Variants in GRK5 observed in about 807,000 individuals in gnomAD.
GRK5 encodes the protein G protein-coupled receptor kinase 5.
Under a neutral mutation model 78.4 loss-of-function variants are expected in GRK5, and 40 were observed. The ratio of observed to expected loss-of-function variants is 0.51; its 90% CI spans 0.40 to 0.66. GRK5 has a LOEUF of 0.66. Ranked by LOEUF, GRK5 falls within the 30% of genes least tolerant of loss-of-function variation. The pLI is 0.00. For missense variants in GRK5, 598 were observed against 759.9 expected (o/e 0.79, Z 2.50); for synonymous variants, 289 against 296.8 (o/e 0.97, Z 0.27).
At position 119,424,903 on chromosome 10, in the gene GRK5, A is replaced by G. The variant is rs138726220; in HGVS notation, c.441-90A>G. On this transcript the variant is annotated intron_variant, in intron 5 of 15. Coordinates refer to ENST00000392870, the MANE Select transcript of GRK5 (RefSeq NM_005308.3). The stretch of plus-strand genomic sequence containing the variant: ...CTGCATGGGTTGAGAGGCCCTGTTT[A>G]CTTGCATTTCCAAAGCTGGACACAG... The G allele has an allele frequency of 7.9e-4, 699 of 881,552 alleles. 2 individuals are homozygous for G. In the African/African-American group the frequency reaches 0.01, roughly 13 times the overall value. The allele number at this position is 881,552 out of a possible 1,614,324, so 54.6% of individuals were successfully genotyped here.
intron 1 of GRK5, among the ~76,000 whole-genome samples, chr10:119,263,923 G>T (rs1033975865): frequency 6.6e-6 from 1 of 152,048 alleles, no homozygotes; most frequent in African/African-American, 2.4e-5. Flanking sequence ...GCAAGACTCC[G>T]TCTCAAAATA....
At position 119,452,667 on chromosome 10, in the gene GRK5, G is replaced by A; in HGVS notation, c.1405-4G>A. On this transcript the variant is annotated splice_region_variant and splice_polypyrimidine_tract_variant and intron_variant, in intron 13 of 15. Transcript: ENST00000392870. The surrounding 1 kb of genome is among the most constrained non-coding windows in gnomAD (Gnocchi z 4.4). ...ATGTGTGACCGGCCCTCTGCCCCTG[G>A]CAGCCCCGCGCTGTGTACTGTAAGG... The A allele has an allele frequency of 6.2e-7, 1 of 1,613,876 alleles. No homozygotes were observed.
At chr10:119,294,066 T>C (rs542336704) in intron 1 of GRK5, among the ~76,000 whole-genome samples, 2 of 152,264 alleles carry the variant, frequency 1.3e-5, no homozygotes, top group Non-Finnish European at 2.9e-5. Flanking sequence ...GCTTCTCCAC[T>C]TACTTTCATG....
intron 6 of GRK5, among the ~76,000 whole-genome samples, chr10:119,426,639 A>T (rs1047901664): frequency 6.6e-6 from 1 of 152,228 alleles, no homozygotes; most frequent in African/African-American, 2.4e-5. Flanking sequence ...CACAGGAAGT[A>T]AACTGCTGAA....
intron 1 of GRK5, among the ~76,000 whole-genome samples, chr10:119,297,096 C>A (rs1010085145): frequency 6.6e-6 from 1 of 152,216 alleles, no homozygotes; most frequent in African/African-American, 2.4e-5. Flanking sequence ...TTAAGGGCTC[C>A]CTCCTTCGGG....
At chr10:119,411,908 T>C (rs1852353176) in intron 4 of GRK5, among the ~76,000 whole-genome samples, 1 of 143,808 alleles carries the variant, frequency 7.0e-6, no homozygotes. Flanking sequence ...TGGGGTCCAG[T>C]GGTGCGATCT....
At chr10:119,382,301 A>G (rs1436517735) in intron 3 of GRK5, among the ~76,000 whole-genome samples, 1 of 151,464 alleles carries the variant, frequency 6.6e-6, no homozygotes, top group African/African-American at 2.4e-5. Context: ...GTAGTTTTCA[A>G]TCTTAGCTGG....
chr10:119,394,128 GTGT>G lies in GRK5; in HGVS notation c.262-2566_262-2564del, dbSNP rs1851939097. Among the ~76,000 whole-genome samples the G allele has an allele frequency of 4.9e-5, 7 of 142,298 alleles. No individual in the cohort carries two copies. The South Asian group carries it at 9.5e-4, about 19-fold the overall frequency. The allele number at this position is 142,298 out of a possible 152,430, so 93.4% of individuals were successfully genotyped here. A position where few individuals can be genotyped will look rare whatever the true frequency, so the allele number is the denominator to read the frequency against. On this transcript the variant is annotated intron_variant, in intron 3 of 15. Coordinates refer to ENST00000392870, the MANE Select transcript of GRK5 (RefSeq NM_005308.3). ...GTCTGTGTGGGGGGTGTGTGTGTGTGTGTGGGTATCTGTGGGTATGTGTGTCTG... is the reference window on the plus strand; with the variant it reads ...GTCTGTGTGGGGGGTGTGTGTGTGTGGGGTATCTGTGGGTATGTGTGTCTG...
intron 1 of GRK5, among the ~76,000 whole-genome samples, chr10:119,262,449 C>T (rs1849427899): frequency 6.6e-6 from 1 of 150,624 alleles, no homozygotes; most frequent in South Asian, 2.1e-4. Context: ...AGCAATTCTC[C>T]TGCCTCAGCC....
intron 2 of GRK5, among the ~76,000 whole-genome samples, chr10:119,376,457 G>C (rs1351359888): frequency 6.6e-6 from 1 of 151,658 alleles, no homozygotes; most frequent in Non-Finnish European, 1.5e-5. Context: ...TCAGAAGAGA[G>C]TTTGTTGAGT....
chr10:119,306,606 TG>T (rs1850275154), intron 1 of GRK5, among the ~76,000 whole-genome samples: 1 of 152,136 alleles, frequency 6.6e-6, no homozygotes, highest in South Asian at 2.1e-4. Context: ...CACCTTCTCT[TG>T]GCCCCGAATA....
intron 4 of GRK5, among the ~76,000 whole-genome samples, chr10:119,403,724 C>T (rs920365719): frequency 1.4e-4 from 21 of 152,068 alleles, no homozygotes; most frequent in Admixed American, 6.5e-5. Flanking sequence ...ACCTCCACCC[C>T]CCGGGTTCAA....
chr10:119,405,545 T>TC lies in GRK5; in HGVS notation c.339+8776dup, dbSNP rs373272996. Among the ~76,000 whole-genome samples, 427 of 151,956 alleles carry TC rather than the reference T, an allele frequency of 2.8e-3. 2 individuals carry two copies. The highest frequency in any genetic ancestry group is 9.9e-3 in the African/African-American group (410 of 41,384). The stretch of plus-strand genomic sequence containing the variant: ...AAAGGAAATAATAACGACTCCAAAT[T>TC]CCCTCCTCTGGCTCCCCACCCCCAC... On this transcript the variant is annotated intron_variant, in intron 4 of 15. Coordinates refer to ENST00000392870, the MANE Select transcript of GRK5 (RefSeq NM_005308.3).
At chr10:119,381,984 C>T (rs1348024565) in intron 3 of GRK5, among the ~76,000 whole-genome samples, 1 of 152,194 alleles carries the variant, frequency 6.6e-6, no homozygotes, top group Admixed American at 6.5e-5. Flanking sequence ...GTCAGTAAGT[C>T]CCAAATGCAC....
intron 1 of GRK5, among the ~76,000 whole-genome samples, chr10:119,258,024 C>T (rs1849317208): frequency 6.6e-6 from 1 of 152,124 alleles, no homozygotes. Context: ...TAACTGTGTA[C>T]ACCACGTAGT....
At position 119,431,839 on chromosome 10, in the gene GRK5, G is replaced by T. The variant is rs1035093581; in HGVS notation, c.738+312G>T. ...TCAGTGGACAAAGAAAGTTCACCTGGGCCCAGGCTGGGAGCTGTGGGTTCC... is the reference window on the plus strand; with the variant it reads ...TCAGTGGACAAAGAAAGTTCACCTGTGCCCAGGCTGGGAGCTGTGGGTTCC... On this transcript the variant is annotated intron_variant, in intron 8 of 15. Transcript: ENST00000392870. This position sits in a 1 kb window ranked among gnomAD's most constrained non-coding sequence, Gnocchi z 4.8. Among the ~76,000 whole-genome samples the T allele has an allele frequency of 6.6e-6, 1 of 152,194 alleles. No homozygotes were observed. Among genetic ancestry groups the T allele is most frequent in the Non-Finnish European group, 1.5e-5 (1 of 68,026 alleles).
chr10:119,424,532 G>T (rs951773274), intron 5 of GRK5, among the ~76,000 whole-genome samples: 2 of 152,158 alleles, frequency 1.3e-5, no homozygotes, highest in Non-Finnish European at 2.9e-5. Context: ...GCGGTTCTGA[G>T]GGGCTGTGGC....
intron 3 of GRK5, among the ~76,000 whole-genome samples, chr10:119,393,926 G>A (rs1851928683): frequency 6.6e-6 from 1 of 151,284 alleles, no homozygotes; most frequent in African/African-American, 2.4e-5. Context: ...TTGTGTGGAT[G>A]GGTATCTGTG....
At chr10:119,327,306 G>A (rs892253199) in intron 2 of GRK5, among the ~76,000 whole-genome samples, 2 of 152,200 alleles carry the variant, frequency 1.3e-5, no homozygotes, top group African/African-American at 4.8e-5. Flanking sequence ...CTGGGTGCCT[G>A]GGCGAGAGCG....
Sources: allele counts gnomAD v4.1 joint callset (sites outside exome capture counted in the v4.1 genomes callset), GRCh38; gene constraint gnomAD v4.1.1; non-coding constraint Gnocchi (gnomAD v3.1); transcripts MANE v1.5; gene names NCBI Gene and HGNC (gene_info 2026-07-23, HGNC 2026-07-21).